The following DCC variants were observed in gnomAD, a reference collection of about 807,000 sequenced individuals.
The protein encoded by DCC is netrin receptor DCC.
A neutral mutation model predicts 172.5 loss-of-function variants in DCC; 58 were observed. The ratio of observed to expected loss-of-function variants is 0.34; its 90% CI spans 0.27 to 0.42. DCC has a LOEUF of 0.42. Ranked by LOEUF, DCC falls within the 10% of genes least tolerant of loss-of-function variation. The pLI is 1.00. For synonymous variants in DCC, 709 were observed against 644.5 expected, an observed-to-expected ratio of 1.10 and a Z score of -1.52; for missense variants, 1,740 against 1,791.0, an observed-to-expected ratio of 0.97 and a Z score of 0.51.
At chr18:52,396,814 C>T (rs751645894) in intron 1 of DCC, among the ~76,000 whole-genome samples, 2 of 151,910 alleles carry the variant, frequency 1.3e-5, no homozygotes, top group Non-Finnish European at 2.9e-5. Context: ...AGTAACTAAA[C>T]TAAAAACACA....
intron 15 of DCC, among the ~76,000 whole-genome samples, chr18:53,377,867 T>C (rs537253882): frequency 1.3e-5 from 2 of 152,348 alleles, no homozygotes; most frequent in East Asian, 3.9e-4. Context: ...CTCTTTTCCC[T>C]CAGCCATTGT....
chr18:52,359,881 A>T (rs1984543579), intron 1 of DCC, among the ~76,000 whole-genome samples: 1 of 152,224 alleles, frequency 6.6e-6, no homozygotes, highest in Non-Finnish European at 1.5e-5. Flanking sequence ...TTTTACAAGT[A>T]GGAAAAGTGA....
chr18:53,276,024 A>G (rs1408563803), intron 12 of DCC, among the ~76,000 whole-genome samples: 1 of 152,140 alleles, frequency 6.6e-6, no homozygotes, highest in Non-Finnish European at 1.5e-5. Flanking sequence ...CATTTCATTA[A>G]TTAATGACAG....
At chr18:52,582,761 G>A (rs1402988779) in intron 1 of DCC, among the ~76,000 whole-genome samples, 3 of 152,170 alleles carry the variant, frequency 2.0e-5, no homozygotes, top group Non-Finnish European at 4.4e-5. Flanking sequence ...CTCTTTTATA[G>A]CTAGCCACCA....
chr18:52,503,567 G>T (rs142282776), intron 1 of DCC, among the ~76,000 whole-genome samples: 1 of 152,108 alleles, frequency 6.6e-6, no homozygotes, highest in Non-Finnish European at 1.5e-5. Context: ...TGTGTTCTCC[G>T]TAGTTCTGGT....
chr18:53,435,090 T>C (rs1911851011), intron 21 of DCC, 54 bp from the exon 22 acceptor site: 1 of 1,280,386 alleles, frequency 7.8e-7, no homozygotes, highest in Non-Finnish European at 1.1e-6. Context: ...ATTCTTTTTG[T>C]CTTCATTTTG....
intron 5 of DCC, among the ~76,000 whole-genome samples, chr18:53,033,933 G>T (rs998441070): frequency 5.3e-5 from 8 of 151,968 alleles, no homozygotes; most frequent in Admixed American, 1.3e-4. Flanking sequence ...TGGCATGGTT[G>T]TCATACCCTC....
intron 21 of DCC, among the ~76,000 whole-genome samples, chr18:53,428,354 T>TA (rs1491552856): frequency 3.6e-4 from 19 of 52,894 alleles, no homozygotes; most frequent in Admixed American, 1.0e-3. Flanking sequence ...ATATAATATA[T>TA]GTTGTATATA....
intron 2 of DCC, among the ~76,000 whole-genome samples, chr18:52,806,655 A>G (rs2038090581): frequency 6.6e-6 from 1 of 152,208 alleles, no homozygotes; most frequent in Non-Finnish European, 1.5e-5. Context: ...TTTTCTGGGA[A>G]TGGGTAGAGA....
intron 23 of DCC, among the ~76,000 whole-genome samples, chr18:53,456,336 A>G (rs542462915): frequency 1.3e-5 from 2 of 152,154 alleles, no homozygotes; most frequent in Non-Finnish European, 2.9e-5. Context: ...TGAGAAGGAG[A>G]AAACAGAGAG....
intron 1 of DCC, among the ~76,000 whole-genome samples, chr18:52,387,633 T>TCCTTCCTTC: frequency 6.6e-6 from 1 of 150,902 alleles, no homozygotes; most frequent in African/African-American, 2.4e-5. Context: ...CTTCCTTCCT[T>TCCTTCCTTC]CTGTCCTTCC....
At chr18:52,729,012 A>G (rs1419329551) in intron 1 of DCC, among the ~76,000 whole-genome samples, 2 of 152,212 alleles carry the variant, frequency 1.3e-5, no homozygotes, top group East Asian at 3.9e-4. Context: ...GGTCAAATTC[A>G]GGAAAATCGG....
At chr18:53,039,897 G>T (rs554908878) in intron 5 of DCC, among the ~76,000 whole-genome samples, 2 of 151,956 alleles carry the variant, frequency 1.3e-5, no homozygotes, top group Non-Finnish European at 2.9e-5. Context: ...CTACTGGAAT[G>T]TCCATTCCTT....
Position 52,885,926 on chromosome 18 carries a change from C to A in DCC, c.413-20118C>A, listed in dbSNP as rs1247249456. ...GTCTAGGCAGCAGTTCCCTCTTGGA[C>A]CATGGTGTGTCTAAAATGTCATTTT... On this transcript the variant is annotated intron_variant, in intron 2 of 28. Coordinates refer to ENST00000442544, the MANE Select transcript of DCC (RefSeq NM_005215.4). Among the ~76,000 whole-genome samples the A allele has an allele frequency of 2.0e-5, 3 of 151,946 alleles. No individual in the cohort carries two copies. The East Asian group carries it at 5.8e-4, about 30-fold the overall frequency.
At chr18:53,079,703 A>G (rs571158514) in intron 7 of DCC, among the ~76,000 whole-genome samples, 117 of 152,328 alleles carry the variant, frequency 7.7e-4, no homozygotes, top group Non-Finnish European at 1.5e-3. Context: ...CAATGGGAAG[A>G]GGAATTCATT....
chr18:52,803,115 A>G (rs534394981), intron 2 of DCC, among the ~76,000 whole-genome samples: 1 of 152,266 alleles, frequency 6.6e-6, no homozygotes, highest in South Asian at 2.1e-4. Flanking sequence ...TTTTCTTGTA[A>G]TGTCATGACT....
intron 2 of DCC, among the ~76,000 whole-genome samples, chr18:52,789,408 G>A (rs116104486): frequency 0.013 from 2,030 of 152,074 alleles, 56 homozygotes; most frequent in African/African-American, 0.046. Context: ...GAGAAGAAAA[G>A]GCTTTTTCTA....
At chr18:52,470,334 G>A (rs1463592986) in intron 1 of DCC, among the ~76,000 whole-genome samples, 1 of 152,110 alleles carries the variant, frequency 6.6e-6, no homozygotes, top group Non-Finnish European at 1.5e-5. Flanking sequence ...CAGAAGTTGG[G>A]TTCCAGAGAA....
intron 1 of DCC, among the ~76,000 whole-genome samples, chr18:52,543,603 A>G (rs1145276): frequency 1 from 152,349 of 152,354 alleles, 76,172 homozygotes; most frequent in Non-Finnish European, 1. Context: ...TGATGGGATA[A>G]TTGTGAAACC....
Sources: allele counts gnomAD v4.1 joint callset (sites outside exome capture counted in the v4.1 genomes callset), GRCh38; gene constraint gnomAD v4.1.1; transcripts MANE v1.5; gene names NCBI Gene and HGNC (gene_info 2026-07-23, HGNC 2026-07-21).